The following EEPD1 variants were observed in gnomAD, a reference collection of about 807,000 sequenced individuals.
EEPD1 encodes the protein endonuclease/exonuclease/phosphatase family domain containing 1.
A neutral mutation model predicts 46.3 loss-of-function variants in EEPD1; 17 were observed. The observed-to-expected ratio is 0.37, with a 90% CI of 0.25 to 0.55. The LOEUF (loss-of-function observed/expected upper bound fraction) is 0.55. Among genes scored for constraint, EEPD1 ranks in the 20% least tolerant of loss-of-function variants. The pLI is 0.83. For synonymous variants in EEPD1, 313 were observed against 315.6 expected (o/e 0.99, Z 0.09); for missense variants, 673 against 745.6 (o/e 0.90, Z 1.13).
At chr7:36,198,655 A>C (rs1250997395) in intron 2 of EEPD1, among the ~76,000 whole-genome samples, 1 of 152,220 alleles carries the variant, frequency 6.6e-6, no homozygotes, top group African/African-American at 2.4e-5. Context: ...TTCTTCCCTG[A>C]AAATCGAAAG....
chr7:36,299,405 C>G lies in EEPD1; in HGVS notation c.*199C>G. ...GTGGCGTGCCAGGCGCGTACCCCAC[C>G]AGGTGGGCAAAGCAGAAACCTGCGG... On this transcript the variant is annotated 3_prime_UTR_variant, in exon 8 of 8. Coordinates refer to ENST00000242108, the MANE Select transcript of EEPD1 (RefSeq NM_030636.3). 3 of 656,262 alleles carry G rather than the reference C, an allele frequency of 4.6e-6. No individual in the cohort carries two copies. The highest frequency in any genetic ancestry group is 5.1e-6 in the Non-Finnish European group (2 of 390,830). 40.7% of individuals were successfully genotyped at this position (656,262 alleles called of 1,614,324 possible).
chr7:36,232,044 A>T (rs913744837), intron 2 of EEPD1, among the ~76,000 whole-genome samples: 5 of 152,324 alleles, frequency 3.3e-5, no homozygotes, highest in African/African-American at 9.6e-5. Flanking sequence ...CAAAGTTATG[A>T]ACAGCTCTAG....
chr7:36,279,043 G>A (rs1787221717), intron 3 of EEPD1, among the ~76,000 whole-genome samples: 1 of 152,208 alleles, frequency 6.6e-6, no homozygotes, highest in Admixed American at 6.5e-5. Context: ...GGTTACAATG[G>A]AGGCAACTAC....
chr7:36,229,795 T>C (rs1343484672), intron 2 of EEPD1, among the ~76,000 whole-genome samples: 2 of 152,152 alleles, frequency 1.3e-5, no homozygotes, highest in Non-Finnish European at 2.9e-5. Context: ...GCCGCTTCCA[T>C]AACAGCCTCC....
chr7:36,253,041 A>C (rs1299920599), intron 3 of EEPD1, among the ~76,000 whole-genome samples: 1 of 151,270 alleles, frequency 6.6e-6, no homozygotes, highest in Admixed American at 6.6e-5. Context: ...CAGTGTCTTA[A>C]GGTGGAAGCT....
chr7:36,190,491 A>G (rs979079292), intron 2 of EEPD1, among the ~76,000 whole-genome samples: 1 of 152,218 alleles, frequency 6.6e-6, no homozygotes, highest in South Asian at 2.1e-4. Context: ...TCAGACAAAA[A>G]TCAACATAAT....
chr7:36,215,469 A>G (rs1786013096), intron 2 of EEPD1, among the ~76,000 whole-genome samples: 1 of 152,234 alleles, frequency 6.6e-6, no homozygotes, highest in South Asian at 2.1e-4. Flanking sequence ...GCAGATGCAC[A>G]GATATCTAGA....
intron 6 of EEPD1, among the ~76,000 whole-genome samples, chr7:36,293,256 A>G (rs998323422): frequency 1.3e-5 from 2 of 152,226 alleles, no homozygotes; most frequent in African/African-American, 4.8e-5. Context: ...ACTTCAATCA[A>G]TGGAGAAACA....
In EEPD1 at chr7:36,252,179, A is replaced by C. The variant is rs187680520; in HGVS notation, c.930+13143A>C. ...CAGAAGTCTTATAATATCCATGCGG[A>C]TTACAGACTCAGGCAGAGGCCAAGG... On this transcript the variant is annotated intron_variant, in intron 3 of 7. Transcript: ENST00000242108. Among the ~76,000 whole-genome samples the C allele has an allele frequency of 9.0e-4, 137 of 152,348 alleles. 1 individual carries two copies. Among genetic ancestry groups the C allele is most frequent in the African/African-American group, 3.2e-3 (133 of 41,582 alleles).
Position 36,210,829 on chromosome 7 carries a change from C to T in EEPD1, c.879-28156C>T, listed in dbSNP as rs147672489. Among the ~76,000 whole-genome samples the T allele has an allele frequency of 4.6e-3, 700 of 152,310 alleles. 4 individuals are homozygous for T. The highest frequency in any genetic ancestry group is 0.016 in the African/African-American group (659 of 41,568). ...TCCAGGAAGCCTTCCCTGACCACCC[C>T]ATCTCCTAACACTTGTTCCTGTCAT... On this transcript the variant is annotated intron_variant, in intron 2 of 7. Transcript: ENST00000242108.
At chr7:36,171,265 C>T (rs760645872) in intron 2 of EEPD1, among the ~76,000 whole-genome samples, 31 of 151,644 alleles carry the variant, frequency 2.0e-4, no homozygotes, top group African/African-American at 2.9e-4. Flanking sequence ...TTTGGCTGTA[C>T]GCTAAACCTC....
At chr7:36,268,482 A>T (rs1787057492) in intron 3 of EEPD1, among the ~76,000 whole-genome samples, 1 of 152,070 alleles carries the variant, frequency 6.6e-6, no homozygotes, top group South Asian at 2.1e-4. Context: ...TTGTCGAATG[A>T]TCAGATGAGT....
intron 2 of EEPD1, among the ~76,000 whole-genome samples, chr7:36,199,197 G>A (rs1035812910): frequency 6.6e-6 from 1 of 152,110 alleles, no homozygotes; most frequent in African/African-American, 2.4e-5. Flanking sequence ...CCAGCACAGA[G>A]TGACTCAGAC....
intron 2 of EEPD1, among the ~76,000 whole-genome samples, chr7:36,189,009 C>T (rs755913011): frequency 1.3e-5 from 2 of 152,154 alleles, no homozygotes; most frequent in African/African-American, 2.4e-5. Flanking sequence ...TTGAGTCATT[C>T]GTGGGTTCAA....
chr7:36,243,308 GT>G (rs5883540), intron 3 of EEPD1, among the ~76,000 whole-genome samples: 84,176 of 147,540 alleles, frequency 0.57, 24,518 homozygotes, highest in Non-Finnish European at 0.65. Context: ...ATTAAGCCTG[GT>G]TTTTTTTTTT....
chr7:36,195,311 G>A (rs1034316255), intron 2 of EEPD1, among the ~76,000 whole-genome samples: 3 of 152,244 alleles, frequency 2.0e-5, no homozygotes, highest in African/African-American at 7.2e-5. Flanking sequence ...GCTGGGGGCA[G>A]AGCAGCCCAG....
intron 2 of EEPD1, among the ~76,000 whole-genome samples, chr7:36,226,032 T>C (rs1466374933): frequency 6.6e-6 from 1 of 152,216 alleles, no homozygotes; most frequent in Non-Finnish European, 1.5e-5. Context: ...GTTTAAATTA[T>C]TGTTATAAGT....
At chr7:36,160,958 A>G (rs942520259) in intron 2 of EEPD1, among the ~76,000 whole-genome samples, 106 of 152,268 alleles carry the variant, frequency 7.0e-4, no homozygotes, top group African/African-American at 2.5e-3. Context: ...TTTTAACATG[A>G]TGCAAGGTGT....
chr7:36,285,922 C>T (rs903778790), intron 5 of EEPD1, among the ~76,000 whole-genome samples: 4 of 152,156 alleles, frequency 2.6e-5, no homozygotes, highest in Non-Finnish European at 4.4e-5. Flanking sequence ...ATTCCTCTGT[C>T]TGTGATATTG....
Sources: allele counts gnomAD v4.1 joint callset (sites outside exome capture counted in the v4.1 genomes callset), GRCh38; gene constraint gnomAD v4.1.1; transcripts MANE v1.5; gene names NCBI Gene and HGNC (gene_info 2026-07-23, HGNC 2026-07-21).